Variants in RGMA observed in about 807,000 individuals in gnomAD.
RGMA encodes the protein repulsive guidance molecule A.
Under a neutral mutation model 23.2 loss-of-function variants are expected in RGMA, and 10 were observed. The observed-to-expected ratio is 0.43, with a 90% confidence interval of 0.27 to 0.73. The LOEUF (loss-of-function observed/expected upper bound fraction) is 0.73. Ranked by LOEUF, RGMA falls within the 30% of genes least tolerant of loss-of-function variation. The pLI is 0.20. For synonymous variants in RGMA, 308 were observed against 279.3 expected, an observed-to-expected ratio of 1.10 and a Z score of -1.03; for missense variants, 547 against 630.5, an observed-to-expected ratio of 0.87 and a Z score of 1.42.
rs376598621 is a variant in RGMA at position 93,082,906 on chromosome 15, A to G, written c.14+6013T>C. On this transcript the variant is annotated intron_variant, in intron 1 of 3. Coordinates refer to ENST00000329082, the MANE Select transcript of RGMA (RefSeq NM_020211.3). ...TTTAGGTAAACCTATCCACAGTATC[A>G]GTTCATTGGAGTTCTTTCAGTCCAC... is the stretch of plus-strand genomic sequence containing the variant. Among the ~76,000 whole-genome samples, 49 of 152,376 alleles carry G rather than the reference A, an allele frequency of 3.2e-4. No individual in the cohort carries two copies. The South Asian group carries it at 6.6e-3, about 21-fold the overall frequency.
rs1422145809 is a variant in RGMA at position 93,044,989 on chromosome 15, T to A, written c.*9A>T. On this transcript the variant is annotated 3_prime_UTR_variant, in exon 4 of 4. Transcript: ENST00000329082. ...GACGGAGCCCGCGCCTCCCTCCACA[T>A]CTACGCGTCTAGCAGAACACAGGGA... 3 of 1,592,234 alleles carry A rather than the reference T, an allele frequency of 1.9e-6. No homozygotes were observed. In the Admixed American group the frequency reaches 5.2e-5, roughly 27 times the overall value.
intron 2 of RGMA, among the ~76,000 whole-genome samples, chr15:93,068,694 C>T (rs980633487): frequency 3.9e-5 from 6 of 152,228 alleles, no homozygotes; most frequent in African/African-American, 1.4e-4. Context: ...TGCTAGCTGG[C>T]TGGTTCTTGC....
intron 1 of RGMA, chr15:93,073,291 G>A: frequency 1.3e-6 from 1 of 789,360 alleles, no homozygotes; most frequent in Non-Finnish European, 1.6e-6. Flanking sequence ...AGCGAGGCCG[G>A]CGAGGTAGCC....
In RGMA at chr15:93,038,008, A is replaced by C. The variant is rs998406854; in HGVS notation, c.*6990T>G. The C allele has an allele frequency of 3.9e-5, 6 of 152,224 alleles. No homozygotes were observed. The highest frequency in any genetic ancestry group is 1.4e-4 in the African/African-American group (6 of 41,440). 9.4% of individuals were successfully genotyped at this position (152,224 alleles called of 1,614,324 possible). A position where few individuals can be genotyped will look rare whatever the true frequency, so the allele number is the denominator to read the frequency against. On this transcript the variant is annotated 3_prime_UTR_variant, in exon 4 of 4. Coordinates refer to ENST00000329082, the MANE Select transcript of RGMA (RefSeq NM_020211.3). ...CAGACCATCCTGCTAGGACTTTCTGAGAGTGTTAGTTTCTGTTCCTTTGCC... is the reference window on the plus strand; with the variant it reads ...CAGACCATCCTGCTAGGACTTTCTGCGAGTGTTAGTTTCTGTTCCTTTGCC...
In RGMA at chr15:93,038,569, G is replaced by GTTGTTTTTTTTTTTTTTTTTT. The variant is rs1471553159; in HGVS notation, c.*6428_*6429insAAAAAAAAAAAAAAAAAACAA. ...GCCTTAATGAACGAAACTGTTAGTTGTTTTTTTTTTTTTTTTGAGACGGTG... is the reference window on the plus strand; with the variant it reads ...GCCTTAATGAACGAAACTGTTAGTTGTTGTTTTTTTTTTTTTTTTTTTTTTTTTTTTTTTTTTGAGACGGTG... On this transcript the variant is annotated 3_prime_UTR_variant, in exon 4 of 4. Transcript: ENST00000329082. The GTTGTTTTTTTTTTTTTTTTTT allele has an allele frequency of 1.0e-5, 1 of 100,224 alleles. No homozygotes were observed. Among genetic ancestry groups the GTTGTTTTTTTTTTTTTTTTTT allele is most frequent in the Non-Finnish European group, 2.3e-5 (1 of 42,826 alleles). The allele number at this position is 100,224 out of a possible 1,614,324, so 6.2% of individuals were successfully genotyped here.
intron 2 of RGMA, chr15:93,066,444 C>A (rs559535180): frequency 3.3e-6 from 2 of 607,144 alleles, no homozygotes; most frequent in Non-Finnish European, 6.2e-6. Flanking sequence ...CCAGGGCTGC[C>A]GCCGGGTTGC....
At chr15:93,062,850 T>C (rs1230729109) in intron 2 of RGMA, 3 of 152,600 alleles carry the variant, frequency 2.0e-5, no homozygotes, top group Admixed American at 6.5e-5. Context: ...AAGCTGCTTC[T>C]GCCACTCTGT....
intron 1 of RGMA, among the ~76,000 whole-genome samples, chr15:93,075,255 T>G (rs1473360308): frequency 6.6e-6 from 1 of 152,234 alleles, no homozygotes; most frequent in East Asian, 1.9e-4. Flanking sequence ...GTGCAGCATA[T>G]TCTGCAATTC....
chr15:93,081,220 CCT>C (rs1354115973), intron 1 of RGMA, among the ~76,000 whole-genome samples: 19 of 152,234 alleles, frequency 1.2e-4, no homozygotes, highest in Middle Eastern at 6.8e-3. Flanking sequence ...CCTCCAGAGT[CCT>C]GTTTCCAGGG....
intron 2 of RGMA, among the ~76,000 whole-genome samples, chr15:93,064,812 T>A (rs148236112): frequency 6.6e-6 from 1 of 152,298 alleles, no homozygotes; most frequent in East Asian, 1.9e-4. Flanking sequence ...TCGTCCTCTT[T>A]AGAATGCTAT....
chr15:93,035,754 G>C lies in RGMA; in HGVS notation c.*9244C>G. 2 of 152,264 alleles carry C rather than the reference G, an allele frequency of 1.3e-5. No homozygotes were observed. The highest frequency in any genetic ancestry group is 2.1e-4 in the South Asian group (1 of 4,836). 9.4% of individuals were successfully genotyped at this position (152,264 alleles called of 1,614,324 possible). A position where few individuals can be genotyped will look rare whatever the true frequency, so the allele number is the denominator to read the frequency against. ...CTCAGATTCTAGCCCGACTCTGAAG[G>C]CCGAGCCTGTCACCACCTCATGCAA... On this transcript the variant is annotated 3_prime_UTR_variant, in exon 4 of 4. Coordinates refer to ENST00000329082, the MANE Select transcript of RGMA (RefSeq NM_020211.3).
At chr15:93,061,556 C>A (rs898355503) in intron 2 of RGMA, among the ~76,000 whole-genome samples, 3 of 152,214 alleles carry the variant, frequency 2.0e-5, no homozygotes, top group South Asian at 2.1e-4. Context: ...ACATTTCACT[C>A]TTTTGGGGAG....
chr15:93,073,566 T>C, intron 1 of RGMA: 1 of 1,530,948 alleles, frequency 6.5e-7, no homozygotes, highest in South Asian at 1.2e-5. Flanking sequence ...AGCCCTACTT[T>C]CCAACCAGAC....
rs1420007885 is a variant in RGMA, at chr15:93,036,426, A to G, written c.*8572T>C. On this transcript the variant is annotated 3_prime_UTR_variant, in exon 4 of 4. Transcript: ENST00000329082. ...GAGAAAGGGAAGGTCAAGTCCACTC[A>G]AGAAGGCGGTTGCCGGAGTTTTCCT... 1 of 152,286 alleles carries G rather than the reference A, an allele frequency of 6.6e-6. No homozygotes were observed. Among genetic ancestry groups the G allele is most frequent in the Admixed American group, 6.5e-5 (1 of 15,276 alleles). 9.4% of individuals were successfully genotyped at this position (152,286 alleles called of 1,614,324 possible). A position where few individuals can be genotyped will look rare whatever the true frequency, so the allele number is the denominator to read the frequency against.
intron 1 of RGMA, chr15:93,073,865 C>T: frequency 6.8e-7 from 1 of 1,481,018 alleles, no homozygotes; most frequent in Non-Finnish European, 8.9e-7. Flanking sequence ...CCTAACCTTG[C>T]CACCTTGGCA....
chr15:93,052,528 A>C (rs767794128), intron 2 of RGMA, 21 bp from the exon 3 acceptor site: 3 of 1,543,696 alleles, frequency 1.9e-6, no homozygotes, highest in Non-Finnish European at 2.6e-6. Flanking sequence ...AGGAACGAAC[A>C]CACCGTCGGG....
At chr15:93,067,764 G>A (rs1895203237) in intron 2 of RGMA, among the ~76,000 whole-genome samples, 1 of 152,194 alleles carries the variant, frequency 6.6e-6, no homozygotes, top group African/African-American at 2.4e-5. Context: ...GGGGCCGGGA[G>A]TTAGAGACCC....
chr15:93,066,133 G>T lies in RGMA; in HGVS notation c.130+6783C>A. 2.2e-6 allele frequency: 3 copies of T among 1,367,236 alleles called. No homozygotes were observed. In the East Asian group the frequency reaches 7.0e-5, roughly 32 times the overall value. The allele number at this position is 1,367,236 out of a possible 1,614,324, so 84.7% of individuals were successfully genotyped here. A position where few individuals can be genotyped will look rare whatever the true frequency, so the allele number is the denominator to read the frequency against. ...GGGGGCATAACAGCTGCCCTTCACG[G>T]GCACCTCCCCGGGCCCAGTTACATT... On this transcript the variant is annotated intron_variant, in intron 2 of 3. Transcript: ENST00000329082.
chr15:93,056,401 T>A (rs35894987), intron 2 of RGMA, among the ~76,000 whole-genome samples: 1 of 151,832 alleles, frequency 6.6e-6, no homozygotes, highest in African/African-American at 2.4e-5. Context: ...AAGAAGCGCC[T>A]GAGACGAGGC....
Sources: allele counts gnomAD v4.1 joint callset (sites outside exome capture counted in the v4.1 genomes callset), GRCh38; gene constraint gnomAD v4.1.1; transcripts MANE v1.5; gene names NCBI Gene and HGNC (gene_info 2026-07-23, HGNC 2026-07-21).